The following INVS variants were observed in gnomAD, a reference collection of about 807,000 sequenced individuals.
The protein encoded by INVS is inversin.
In INVS, 86 loss-of-function variants were observed where a neutral mutation model predicts 108.8. That is an observed-to-expected ratio of 0.79 (90% CI 0.66 to 0.95). INVS has a LOEUF of 0.95. Among genes scored for constraint, INVS ranks in the 40% least tolerant of loss-of-function variants. The pLI, the probability that INVS is intolerant of heterozygous loss-of-function variation, is 0.00. For missense variants in INVS, 1,169 were observed against 1,297.4 expected (o/e 0.90, Z 1.52); for synonymous variants, 455 against 473.5 (o/e 0.96, Z 0.51).
chr9:100,170,504 G>A (rs578140544), intron 3 of INVS, among the ~76,000 whole-genome samples: 6 of 152,096 alleles, frequency 3.9e-5, no homozygotes, highest in African/African-American at 1.4e-4. Context: ...GGTTGAGGCT[G>A]CAGCAAGCTG....
intron 3 of INVS, among the ~76,000 whole-genome samples, chr9:100,223,797 C>T (rs577032657): frequency 1.3e-5 from 2 of 152,366 alleles, no homozygotes; most frequent in Admixed American, 1.3e-4. Context: ...GATCCTCTTT[C>T]CTAGCCATGG....
At chr9:100,290,773 G>C (rs1351261543) in intron 13 of INVS, among the ~76,000 whole-genome samples, 5 of 152,170 alleles carry the variant, frequency 3.3e-5, no homozygotes, top group Admixed American at 2.0e-4. Context: ...GAGTGCAGTG[G>C]CACAAACAGC....
At chr9:100,106,292 A>ATC (rs1293592223) in intron 2 of INVS, among the ~76,000 whole-genome samples, 3 of 152,084 alleles carry the variant, frequency 2.0e-5, no homozygotes, top group Admixed American at 2.0e-4. Context: ...TCTGTGTTCC[A>ATC]TCCCCTCCTG....
chr9:100,140,725 C>T (rs1029544051), intron 3 of INVS, among the ~76,000 whole-genome samples: 26 of 151,896 alleles, frequency 1.7e-4, no homozygotes, highest in African/African-American at 5.6e-4. Context: ...GAATTAGGGG[C>T]GGTGTGGGAA....
chr9:100,150,422 G>A (rs994642449), intron 3 of INVS, among the ~76,000 whole-genome samples: 13 of 152,262 alleles, frequency 8.5e-5, no homozygotes, highest in Non-Finnish European at 1.8e-4. Flanking sequence ...AAAAGAAAGA[G>A]TATATATTGA....
intron 3 of INVS, among the ~76,000 whole-genome samples, chr9:100,200,099 AT>A (rs1316904572): frequency 1.3e-5 from 2 of 151,994 alleles, no homozygotes; most frequent in Non-Finnish European, 2.9e-5. Flanking sequence ...TGATTTTTAC[AT>A]TTCAGATATA....
At chr9:100,153,146 A>G (rs1828861406) in intron 3 of INVS, among the ~76,000 whole-genome samples, 1 of 151,268 alleles carries the variant, frequency 6.6e-6, no homozygotes, top group African/African-American at 2.4e-5. Context: ...ATCTCGGTGT[A>G]AGGAAAACTT....
rs1833986453 is a variant in INVS, at chr9:100,301,941, A to ATATT, written c.*1270_*1273dup. On this transcript the variant is annotated 3_prime_UTR_variant, in exon 17 of 17. Coordinates refer to ENST00000262457, the MANE Select transcript of INVS (RefSeq NM_014425.5). ...CACAGTATCACTCTCTATTTTGTAA[A>ATATT]TATTTAGCTCCTATGAAATGCACAA... The ATATT allele has an allele frequency of 6.2e-6, 2 of 323,206 alleles. No homozygotes were observed. Among genetic ancestry groups the ATATT allele is most frequent in the South Asian group, 1.4e-4 (1 of 7,014 alleles). The allele number at this position is 323,206 out of a possible 1,614,324, so 20.0% of individuals were successfully genotyped here.
At position 100,292,888 on chromosome 9, in the gene INVS, T is replaced by C; in HGVS notation, c.2631T>C (p.Thr877=). 3.7e-6 allele frequency: 6 copies of C among 1,614,184 alleles called. No homozygotes were observed. Among genetic ancestry groups the C allele is most frequent in the Non-Finnish European group, 5.1e-6 (6 of 1,180,032 alleles). ...AGGACTTTCAGGTATCTAAGGAGAC[T>C]GATCCAGCACCTGGTCCCCTCTCTG... ...LSEDFQVSKE[T]DPAPGPLSGQ... Residue 877 remains threonine (T), a synonymous_variant, in exon 14 of 17, where the codon ACT becomes ACC. Coordinates refer to ENST00000262457, the MANE Select transcript of INVS (RefSeq NM_014425.5).
intron 12 of INVS, among the ~76,000 whole-genome samples, chr9:100,279,120 T>C (rs1464853527): frequency 2.0e-5 from 3 of 152,198 alleles, no homozygotes; most frequent in African/African-American, 4.8e-5. Context: ...AATTTGTCTC[T>C]AGGAACCAAA....
intron 12 of INVS, among the ~76,000 whole-genome samples, chr9:100,274,856 A>G (rs1297918971): frequency 6.6e-6 from 1 of 152,156 alleles, no homozygotes; most frequent in Non-Finnish European, 1.5e-5. Context: ...ATGTTTCTAA[A>G]TCTTGAGTCC....
intron 14 of INVS, among the ~76,000 whole-genome samples, chr9:100,293,646 A>C (rs1833696908): frequency 6.6e-6 from 1 of 152,206 alleles, no homozygotes; most frequent in South Asian, 2.1e-4. Flanking sequence ...CATAGTAGGC[A>C]CTGGGAGTGG....
chr9:100,111,950 C>CTTTTTCT (rs1827349023), intron 2 of INVS, among the ~76,000 whole-genome samples: 1 of 152,100 alleles, frequency 6.6e-6, no homozygotes, highest in Admixed American at 6.5e-5. Flanking sequence ...TTGAATGCTG[C>CTTTTTCT]TTTTTCTAAT....
Position 100,242,605 on chromosome 9 carries a change from A to T in INVS, c.832A>T (p.Asn278Tyr). 3 of 1,611,808 alleles carry T rather than the reference A, an allele frequency of 1.9e-6. No homozygotes were observed. Among genetic ancestry groups the T allele is most frequent in the Admixed American group, 1.7e-5 (1 of 60,026 alleles). ...AQIVHLLLER[N>Y]KSGTIPSDSQ... ...GATTGTCCATCTCCTTTTAGAAAGA[A>T]ATAAGTCTGGAACTATCCCATCTGA... Residue 278 changes from asparagine (N) to tyrosine (Y), a missense_variant, in exon 7 of 17, where the codon AAT (asparagine) becomes TAT (tyrosine). Around this residue, in one of 3 missense-constraint regions of INVS, gnomAD observed 365 missense variants for 397.5 expected, o/e 0.92. Coordinates refer to ENST00000262457, the MANE Select transcript of INVS (RefSeq NM_014425.5).
Position 100,246,715 on chromosome 9 carries a change from G to A in INVS, c.1006G>A (p.Asp336Asn), listed in dbSNP as rs760384200. The change falls in exon 8 of 17, where the codon GAT becomes AAT. Residue 336 changes from aspartate (D) to asparagine (N), a missense_variant. Around this residue, in one of 3 missense-constraint regions of INVS, gnomAD observed 365 missense variants for 397.5 expected, o/e 0.92. Coordinates refer to ENST00000262457, the MANE Select transcript of INVS (RefSeq NM_014425.5). Reference sequence around the variant, plus strand: ...GTGGGCAGCTGGCAAAGGCAGTGATGATGTCCTTAGAACTATGCTGAGCTT... The same window carrying A: ...GTGGGCAGCTGGCAAAGGCAGTGATAATGTCCTTAGAACTATGCTGAGCTT... ...FMWAAGKGSD[D>N]VLRTMLSLKS... The A allele has an allele frequency of 2.5e-6, 4 of 1,613,932 alleles. No individual in the cohort carries two copies. Among genetic ancestry groups the A allele is most frequent in the Non-Finnish European group, 3.4e-6 (4 of 1,179,826 alleles).
chr9:100,127,022 C>A (rs1413965212), intron 3 of INVS, among the ~76,000 whole-genome samples: 1 of 151,742 alleles, frequency 6.6e-6, no homozygotes, highest in Admixed American at 6.6e-5. Flanking sequence ...ATAGTGAGAC[C>A]CCATCTCTAC....
intron 14 of INVS, among the ~76,000 whole-genome samples, chr9:100,296,536 T>A (rs1833797698): frequency 6.6e-6 from 1 of 152,212 alleles, no homozygotes; most frequent in African/African-American, 2.4e-5. Flanking sequence ...CCTATTCATC[T>A]TTTAAAATCC....
intron 3 of INVS, among the ~76,000 whole-genome samples, chr9:100,186,651 A>G (rs908045996): frequency 4.0e-5 from 6 of 151,496 alleles, no homozygotes; most frequent in African/African-American, 7.2e-5. Context: ...GATGTTGGCC[A>G]TTTGTATATC....
intron 3 of INVS, chr9:100,175,294 T>C (rs976808145): frequency 4.3e-6 from 3 of 692,238 alleles, no homozygotes; most frequent in Non-Finnish European, 8.0e-6. Context: ...CATCCTTGCA[T>C]ATATCTTCTG....
Sources: gnomAD v4.1 joint callset for allele counts (sites outside exome capture counted in the v4.1 genomes callset) on GRCh38, gnomAD v4.1.1 for gene constraint, gnomAD v4.1.1 regional missense constraint, MANE v1.5 for transcripts, NCBI Gene and HGNC (gene_info 2026-07-23, HGNC 2026-07-21) for gene names.